The following PER2 variants were observed in gnomAD, a reference collection of about 807,000 sequenced individuals.
PER2 encodes period circadian protein homolog 2.
A neutral mutation model predicts 121.0 loss-of-function variants in PER2; 66 were observed. That is an observed-to-expected ratio of 0.55 (90% CI 0.45 to 0.67). PER2 has a LOEUF of 0.67. PER2 is among the 30% of genes least tolerant of loss of function. The probability of loss-of-function intolerance (pLI) is 0.00; values close to 1 mark genes in which losing one functional copy is unlikely to be tolerated. For synonymous variants in PER2, 684 were observed against 659.9 expected (o/e 1.04, Z -0.56); for missense variants, 1,521 against 1,635.0 (o/e 0.93, Z 1.20).
chr2:238,254,003 G>C (rs1345997211), intron 18 of PER2, among the ~76,000 whole-genome samples: 1 of 152,146 alleles, frequency 6.6e-6, no homozygotes, highest in Admixed American at 6.5e-5. Context: ...GTAATACAAA[G>C]TTCTATTTGT....
rs190397394 is a variant in PER2, at chr2:238,245,285, G to A, written c.*1090C>T. ...ATGACCTAAAAGTGCTGGGGACACTGGCAGAGGCCTGAAGCTGCTCCGAGA... is the reference window on the plus strand; with the variant it reads ...ATGACCTAAAAGTGCTGGGGACACTAGCAGAGGCCTGAAGCTGCTCCGAGA... On this transcript the variant is annotated 3_prime_UTR_variant, in exon 23 of 23. Transcript: ENST00000254657. 30 of 317,486 alleles carry A rather than the reference G, an allele frequency of 9.4e-5. No individual in the cohort carries two copies. The East Asian group carries it at 1.3e-3, about 14-fold the overall frequency. The allele number at this position is 317,486 out of a possible 1,614,324, so 19.7% of individuals were successfully genotyped here. A position where few individuals can be genotyped will look rare whatever the true frequency, so the allele number is the denominator to read the frequency against.
intron 1 of PER2, among the ~76,000 whole-genome samples, chr2:238,284,649 C>T (rs952828479): frequency 1.3e-5 from 2 of 152,192 alleles, no homozygotes; most frequent in African/African-American, 4.8e-5. Context: ...GTCTGGGCCC[C>T]GGGTGCTTTG....
the PER2 span, chr2:238,299,675 T>C: frequency 6.6e-6 from 1 of 152,258 alleles, no homozygotes; most frequent in Non-Finnish European, 1.5e-5. Context: ...CCTGAGACCA[T>C]GGCTATGGAC....
At chr2:238,283,363 T>C (rs1463007520) in intron 1 of PER2, among the ~76,000 whole-genome samples, 2 of 152,224 alleles carry the variant, frequency 1.3e-5, no homozygotes, top group African/African-American at 4.8e-5. Flanking sequence ...ACCTCCCTTT[T>C]CCTTTTCTAC....
chr2:238,289,300 T>TTCAC (rs1296748466), upstream of PER2: 1 of 152,294 alleles, frequency 6.6e-6, no homozygotes, highest in South Asian at 2.1e-4. Flanking sequence ...CATTTACTCA[T>TTCAC]TCACTCACTC....
intron 8 of PER2, among the ~76,000 whole-genome samples, chr2:238,266,835 C>T (rs909330446): frequency 2.0e-5 from 3 of 149,722 alleles, no homozygotes; most frequent in African/African-American, 7.6e-5. Context: ...CTCAGGAGTT[C>T]GAGACCAGCC....
intron 21 of PER2, among the ~76,000 whole-genome samples, 161 bp from the exon 22 acceptor site, chr2:238,249,373 A>G (rs530922521): frequency 2.0e-5 from 3 of 152,210 alleles, no homozygotes; most frequent in Non-Finnish European, 4.4e-5. Context: ...CTAGTAAAGA[A>G]CCCGTAGTTT....
Position 238,260,992 on chromosome 2 carries a change from G to A in PER2, c.1417-39C>T, listed in dbSNP as rs777763790. 6 of 1,603,154 alleles carry A rather than the reference G, an allele frequency of 3.7e-6. No individual in the cohort carries two copies. In the Admixed American group the frequency reaches 6.7e-5, roughly 18 times the overall value. ...AGACAGCGCTACAGACACAGCCAGG[G>A]CTGCTGAGCTATGCATGTGGCCCCC... On this transcript the variant is annotated intron_variant, in intron 12 of 22. Coordinates refer to ENST00000254657, the MANE Select transcript of PER2 (RefSeq NM_022817.3).
rs757192410 is a variant in PER2 at position 238,259,976 on chromosome 2, G to T, written c.1620C>A (p.Ser540=). ...GAATATTTTTTTTTTTACCTGTAACGGATTTTTTCTTTTGTTCTCCAGATT... is the reference window on the plus strand; with the variant it reads ...GAATATTTTTTTTTTTACCTGTAACTGATTTTTTCTTTTGTTCTCCAGATT... The part of the protein sequence containing the change: ...SHESGEQKKK[S]VTEMQTNPPA... The change falls in exon 14 of 23, where the codon TCC becomes TCA. Residue 540 remains serine, a synonymous_variant. Transcript: ENST00000254657. 7.1e-7 allele frequency: 1 copy of T among 1,413,740 alleles called. No individual in the cohort carries two copies. The highest frequency in any genetic ancestry group is 1.0e-6 in the Non-Finnish European group (1 of 1,003,722). The allele number at this position is 1,413,740 out of a possible 1,614,324, so 87.6% of individuals were successfully genotyped here.
rs939595785 is a variant in PER2, at chr2:238,262,885, A to C, written c.1153+67T>G. 3.8e-5 allele frequency: 41 copies of C among 1,092,232 alleles called. No homozygotes were observed. In the African/African-American group the frequency reaches 4.3e-4, roughly 11 times the overall value. 67.7% of individuals were successfully genotyped at this position (1,092,232 alleles called of 1,614,324 possible). ...CTGTCAGAGCTAGACTGGTCCCAAG[A>C]AGCAGCCCCAAGGACACAGGAACTT... On this transcript the variant is annotated intron_variant, in intron 10 of 22. Transcript: ENST00000254657.
rs1467741729 is a variant in PER2, at chr2:238,255,899, T to A, written c.2078A>T (p.Asp693Val). ...CAGGGATTCTGGCCCACTCGCAGCATCTTCCACCATCTCTGTAACACAAGA... is the reference window on the plus strand; with the variant it reads ...CAGGGATTCTGGCCCACTCGCAGCAACTTCCACCATCTCTGTAACACAAGA... ...KPQPELEMVE[D>V]AASGPESLDC... The change falls in exon 18 of 23, where the codon GAT (aspartate) becomes GTT (valine). Residue 693 changes from aspartate to valine, a missense_variant. Asp to Val is a radical substitution (Grantham distance 152, BLOSUM62 -3). Coordinates refer to ENST00000254657, the MANE Select transcript of PER2 (RefSeq NM_022817.3). 6 of 1,614,110 alleles carry A rather than the reference T, an allele frequency of 3.7e-6. No homozygotes were observed. Among genetic ancestry groups the A allele is most frequent in the Non-Finnish European group, 5.1e-6 (6 of 1,180,040 alleles).
intron 1 of PER2, among the ~76,000 whole-genome samples, chr2:238,282,846 G>A (rs1470594480): frequency 6.6e-6 from 1 of 152,246 alleles, no homozygotes; most frequent in East Asian, 1.9e-4. Context: ...TTCAATGAGG[G>A]TGGCCCCAGG....
At chr2:238,263,253 G>C (rs1207339511) in intron 9 of PER2, among the ~76,000 whole-genome samples, 195 bp from the exon 10 acceptor site, 1 of 143,096 alleles carries the variant, frequency 7.0e-6, no homozygotes, top group African/African-American at 2.6e-5. Context: ...TCACTGTCCA[G>C]GACGCTGAAG....
chr2:238,277,736 C>T lies in PER2; in HGVS notation c.201G>A (p.Met67Ile), dbSNP rs370399167. The change falls in exon 2 of 23, where the codon ATG (methionine) becomes ATA (isoleucine). Residue 67 changes from methionine (M) to isoleucine (I), a missense_variant. Physicochemically the swap from Met to Ile is conservative, Grantham distance 10. Transcript: ENST00000254657. ...DCDDSGKELG[M>I]LVEPPDARQS... is the part of the protein sequence containing the mutation. ...GGCGGGCATCCGGTGGCTCCACCAG[C>T]ATCCCCAGCTCCTTCCCACTGTCGT... 2.5e-6 allele frequency: 4 copies of T among 1,614,212 alleles called. No homozygotes were observed. The South Asian group carries it at 4.4e-5, about 18-fold the overall frequency.
upstream of PER2, among the ~76,000 whole-genome samples, chr2:238,294,613 C>T (rs1471608119): frequency 2.0e-5 from 3 of 152,194 alleles, no homozygotes; most frequent in Non-Finnish European, 4.4e-5. Context: ...GCCTGCATTC[C>T]ATTGTCCCTT....
rs1288772111 is a variant in PER2 at position 238,245,816 on chromosome 2, A to G, written c.*559T>C. 2.5e-6 allele frequency: 1 copy of G among 396,990 alleles called. No individual in the cohort carries two copies. The highest frequency in any genetic ancestry group is 4.4e-6 in the Non-Finnish European group (1 of 225,636). 24.6% of individuals were successfully genotyped at this position (396,990 alleles called of 1,614,324 possible). Reference sequence around the variant, plus strand: ...CAGAAGCCAAAGCTGTTGGTTTGCCAAACAACGCTTCACACCATTTAATGT... The same window carrying G: ...CAGAAGCCAAAGCTGTTGGTTTGCCGAACAACGCTTCACACCATTTAATGT... On this transcript the variant is annotated 3_prime_UTR_variant, in exon 23 of 23. Transcript: ENST00000254657.
Position 238,258,477 on chromosome 2 carries a change from G to A in PER2, c.1775+20C>T, listed in dbSNP as rs934917782. ...AAGGTGTGTGAGATGGTGGAGACTCGGCTGGAAATGCCGGCATACCTGATG... is the reference window on the plus strand; with the variant it reads ...AAGGTGTGTGAGATGGTGGAGACTCAGCTGGAAATGCCGGCATACCTGATG... On this transcript the variant is annotated intron_variant, in intron 15 of 22. Transcript: ENST00000254657. 8.7e-6 allele frequency: 14 copies of A among 1,613,854 alleles called. No homozygotes were observed. The highest frequency in any genetic ancestry group is 1.3e-5 in the African/African-American group (1 of 74,846).
chr2:238,275,817 T>A lies in PER2; in HGVS notation c.374A>T (p.Asp125Val). ...ACTGGCCTTGCCCTTGGCCTTCTTG[T>A]CTGCAGGGAGGTGGACCTTCAGCTC... ...LKELKVHLPA[D>V]KKAKGKASTL... The change falls in exon 4 of 23, where the codon GAC becomes GTC. Residue 125 changes from aspartate (D) to valine (V), a missense_variant. Coordinates refer to ENST00000254657, the MANE Select transcript of PER2 (RefSeq NM_022817.3). 1 of 1,614,234 alleles carries A rather than the reference T, an allele frequency of 6.2e-7. No individual in the cohort carries two copies. The highest frequency in any genetic ancestry group is 8.5e-7 in the Non-Finnish European group (1 of 1,179,992).
intron 8 of PER2, among the ~76,000 whole-genome samples, chr2:238,266,376 C>A (rs1423534079): frequency 6.6e-6 from 1 of 151,958 alleles, no homozygotes. Flanking sequence ...CCTACCTCAG[C>A]CTCCCAAAGT....
Sources: allele counts gnomAD v4.1 joint callset (sites outside exome capture counted in the v4.1 genomes callset), GRCh38; gene constraint gnomAD v4.1.1; transcripts MANE v1.5; gene names NCBI Gene and HGNC (gene_info 2026-07-23, HGNC 2026-07-21).